Variants in RBP2 observed in about 807,000 individuals in gnomAD.
RBP2 encodes retinol-binding protein 2.
Under a neutral mutation model 17.0 loss-of-function variants are expected in RBP2, and 17 were observed. The ratio of observed to expected loss-of-function variants is 1.00; its 90% confidence interval spans 0.68 to 1.50. RBP2 has a LOEUF of 1.50. Among genes scored for constraint, RBP2 ranks in the 40% most tolerant of loss-of-function variants. RBP2 has a pLI of 0.00. For missense variants in RBP2, 158 were observed against 168.2 expected (o/e 0.94, Z 0.33); for synonymous variants, 48 against 57.1 (o/e 0.84, Z 0.72).
chr3:139,460,366 G>A (rs1933146242), intron 2 of RBP2, among the ~76,000 whole-genome samples: 1 of 152,102 alleles, frequency 6.6e-6, no homozygotes, highest in African/African-American at 2.4e-5. Flanking sequence ...GTGCTCTGGT[G>A]GAAAAATTTC....
chr3:139,453,096 G>T lies in RBP2; in HGVS notation c.*20C>A. On this transcript the variant is annotated 3_prime_UTR_variant, in exon 4 of 4. Transcript: ENST00000232217. ...GTGGGCAGTGGGGAGCTTGTGCTTG[G>T]CAGGCCTCCCACGTCGCCATCATTT... The T allele has an allele frequency of 1.2e-6, 2 of 1,614,046 alleles. No homozygotes were observed. Among genetic ancestry groups the T allele is most frequent in the Non-Finnish European group, 1.7e-6 (2 of 1,179,936 alleles).
At chr3:139,473,555 C>T (rs2107884847) in intron 1 of RBP2, among the ~76,000 whole-genome samples, 1 of 152,318 alleles carries the variant, frequency 6.6e-6, no homozygotes, top group South Asian at 2.1e-4. Flanking sequence ...ACATACTCTT[C>T]CCAAATGCTA....
chr3:139,462,436 G>A (rs2289350), intron 1 of RBP2, 146 bp from the exon 2 acceptor site: 68,772 of 852,342 alleles, frequency 0.081, 3,186 homozygotes, highest in Middle Eastern at 0.13. Context: ...CATCTTACTC[G>A]TGGCCAAGTT....
At chr3:139,455,191 T>G (rs1943373556) in intron 2 of RBP2, among the ~76,000 whole-genome samples, 1 of 152,058 alleles carries the variant, frequency 6.6e-6, no homozygotes, top group Non-Finnish European at 1.5e-5. Flanking sequence ...AACAAAAAAC[T>G]GGGGGAAAAT....
chr3:139,459,887 G>C (rs1340756833), intron 2 of RBP2, among the ~76,000 whole-genome samples: 1 of 152,106 alleles, frequency 6.6e-6, no homozygotes, highest in Non-Finnish European at 1.5e-5. Context: ...TGAAGGCAAA[G>C]AGGAGGCAAG....
In RBP2 at chr3:139,454,755, A is replaced by G. The variant is rs776099109; in HGVS notation, c.328T>C (p.Trp110Arg). 2 of 1,613,990 alleles carry G rather than the reference A, an allele frequency of 1.2e-6. No homozygotes were observed. The highest frequency in any genetic ancestry group is 1.3e-5 in the African/African-American group (1 of 74,886). Residue 110 changes from tryptophan (W) to arginine (R), a missense_variant, in exon 3 of 4, where the codon TGG becomes CGG. Coordinates refer to ENST00000232217, the MANE Select transcript of RBP2 (RefSeq NM_004164.3). ...GEKENRGWKQ[W>R]IEGDKLYLEL... ...AGGTACAGCTTGTCCCCCTCAATCC[A>G]CTGCTTCCAGCCGCGGTTCTCCTTC...
intron 2 of RBP2, among the ~76,000 whole-genome samples, chr3:139,456,370 T>G (rs1932958638): frequency 6.6e-6 from 1 of 152,230 alleles, no homozygotes; most frequent in African/African-American, 2.4e-5. Flanking sequence ...CTTGACCATA[T>G]TATATACTTT....
At position 139,465,866 on chromosome 3, in the gene RBP2, G is replaced by C. The variant is rs756033231; in HGVS notation, c.74-3576C>G. Among the ~76,000 whole-genome samples the C allele has an allele frequency of 4.6e-5, 7 of 152,298 alleles. No homozygotes were observed. In the South Asian group the frequency reaches 8.3e-4, roughly 18 times the overall value. On this transcript the variant is annotated intron_variant, in intron 1 of 3. Coordinates refer to ENST00000232217, the MANE Select transcript of RBP2 (RefSeq NM_004164.3). ...ATTTCGCTTCACCTCTGTGGCTTAT[G>C]GAATTGTACGTGAGCACGTCCAAGT...
chr3:139,475,576 C>T (rs780352555), intron 1 of RBP2, among the ~76,000 whole-genome samples: 1 of 152,074 alleles, frequency 6.6e-6, no homozygotes, highest in Non-Finnish European at 1.5e-5. Flanking sequence ...AGCGAAGTTA[C>T]CCCATATGTG....
At chr3:139,458,846 T>G (rs760846000) in intron 2 of RBP2, among the ~76,000 whole-genome samples, 1 of 152,206 alleles carries the variant, frequency 6.6e-6, no homozygotes, top group Non-Finnish European at 1.5e-5. Flanking sequence ...TGCTTATTTT[T>G]AATTTTATTT....
rs117428972 is a variant in RBP2 at position 139,462,698 on chromosome 3, C to T, written c.74-408G>A. Among the ~76,000 whole-genome samples the T allele has an allele frequency of 4.6e-5, 7 of 152,246 alleles. No homozygotes were observed. In the East Asian group the frequency reaches 1.2e-3, roughly 25 times the overall value. On this transcript the variant is annotated intron_variant, in intron 1 of 3. Coordinates refer to ENST00000232217, the MANE Select transcript of RBP2 (RefSeq NM_004164.3). ...TTAAAAGAAAAAAGACTTTGGAAAT[C>T]ACTAGTTTTAATCATGGATAAAGAT...
chr3:139,467,208 T>A (rs922302528), intron 1 of RBP2, among the ~76,000 whole-genome samples: 21 of 152,134 alleles, frequency 1.4e-4, no homozygotes, highest in Non-Finnish European at 2.6e-4. Context: ...CAGTGATTAT[T>A]AAAGTGAGGT....
intron 2 of RBP2, among the ~76,000 whole-genome samples, chr3:139,455,325 G>C (rs183742862): frequency 6.6e-6 from 1 of 152,090 alleles, no homozygotes; most frequent in South Asian, 2.1e-4. Flanking sequence ...AGCTTACAAG[G>C]GGGAGAGAGC....
At chr3:139,474,608 AACC>A (rs1397550838) in intron 1 of RBP2, among the ~76,000 whole-genome samples, 1 of 152,194 alleles carries the variant, frequency 6.6e-6, no homozygotes, top group Non-Finnish European at 1.5e-5. Context: ...AATTGCTCAA[AACC>A]ACAAGTACAT....
intron 1 of RBP2, 49 bp downstream of exon 1, chr3:139,476,338 C>T: frequency 6.5e-7 from 1 of 1,539,432 alleles, no homozygotes; most frequent in South Asian, 1.1e-5. Context: ...GGCCAGACCA[C>T]AGTACTCCCA....
intron 2 of RBP2, among the ~76,000 whole-genome samples, chr3:139,459,737 T>C (rs1309257079): frequency 6.6e-6 from 1 of 152,012 alleles, no homozygotes; most frequent in Non-Finnish European, 1.5e-5. Flanking sequence ...CCCTTGGGCA[T>C]CTGCTCTGCA....
chr3:139,464,338 A>C (rs1933290679), intron 1 of RBP2, among the ~76,000 whole-genome samples: 1 of 152,122 alleles, frequency 6.6e-6, no homozygotes, highest in African/African-American at 2.4e-5. Context: ...GGTGCCTGTA[A>C]TCCTAGCTAC....
At chr3:139,474,787 A>G (rs910857737) in intron 1 of RBP2, among the ~76,000 whole-genome samples, 2 of 152,274 alleles carry the variant, frequency 1.3e-5, no homozygotes, top group Admixed American at 6.5e-5. Flanking sequence ...CCTTATCTGT[A>G]TAATCTTGTT....
chr3:139,469,350 G>C (rs1396275049), intron 1 of RBP2, among the ~76,000 whole-genome samples: 2 of 152,052 alleles, frequency 1.3e-5, no homozygotes, highest in Non-Finnish European at 2.9e-5. Context: ...GGGCAGGCTG[G>C]AGACCCTAGG....
Sources: allele counts gnomAD v4.1 joint callset (sites outside exome capture counted in the v4.1 genomes callset), GRCh38; gene constraint gnomAD v4.1.1; transcripts MANE v1.5; gene names NCBI Gene and HGNC (gene_info 2026-07-23, HGNC 2026-07-21).